The following CTNNA2 variants were observed in gnomAD, a reference collection of about 807,000 sequenced individuals.
CTNNA2 encodes catenin alpha 2, also known as catenin alpha-2.
CTNNA2 carries 42 observed loss-of-function variants against 101.0 expected under a neutral mutation model. The ratio of observed to expected loss-of-function variants is 0.42; its 90% CI spans 0.32 to 0.54. The LOEUF (loss-of-function observed/expected upper bound fraction) is 0.54, where lower values mean the gene tolerates loss of function less well. CTNNA2 is among the 20% of genes least tolerant of loss of function. The pLI, the probability that CTNNA2 is intolerant of heterozygous loss-of-function variation, is 0.14. For synonymous variants in CTNNA2, 450 were observed against 456.4 expected, an observed-to-expected ratio of 0.99 and a Z score of 0.18; for missense variants, 871 against 1,223.1, an observed-to-expected ratio of 0.71 and a Z score of 4.29.
rs190827370 is a variant in CTNNA2, at chr2:79,227,951, A to G, written c.-406+29875A>G. ...TAGTATCTATTGTTCCTATCGTTAC[A>G]ATCACGTACATTCAATGTTTAACTC... On this transcript the variant is annotated intron_variant, in intron 2 of 21. Coordinates refer to the CTNNA2 transcript ENST00000466387. Among the ~76,000 whole-genome samples the G allele has an allele frequency of 5.1e-3, 781 of 152,238 alleles. 24 individuals are homozygous for G. The highest frequency in any genetic ancestry group is 0.043 in the Admixed American group (661 of 15,288).
chr2:79,736,912 C>T (rs556509817), intron 2 of CTNNA2, among the ~76,000 whole-genome samples: 3 of 152,290 alleles, frequency 2.0e-5, no homozygotes, highest in Admixed American at 2.0e-4. Context: ...TATATGTATA[C>T]TCTCACTTTC....
intron 3 of CTNNA2, among the ~76,000 whole-genome samples, chr2:79,816,026 G>A (rs538565463): frequency 6.6e-6 from 1 of 152,056 alleles, no homozygotes; most frequent in East Asian, 1.9e-4. Flanking sequence ...TTGTAAAAGG[G>A]GTTTAGTTCC....
intron 7 of CTNNA2, among the ~76,000 whole-genome samples, chr2:79,983,301 T>C (rs577980022): frequency 6.6e-6 from 1 of 151,848 alleles, no homozygotes; most frequent in East Asian, 1.9e-4. Context: ...ACTTGTGGGA[T>C]GAAGAAGACA....
upstream of CTNNA2, among the ~76,000 whole-genome samples, chr2:79,510,863 C>T (rs998954394): frequency 6.6e-6 from 1 of 152,184 alleles, no homozygotes; most frequent in Non-Finnish European, 1.5e-5. Context: ...ACAAACAAGA[C>T]AAATCTCATT....
Position 79,215,569 on chromosome 2 carries a change from C to T in CTNNA2, c.-406+17493C>T, listed in dbSNP as rs181502340. Reference sequence around the variant, plus strand: ...AAAACGTATTTTGAGAATAAGACGACCTTTTGACCTTTTAGGGTCTAGGGC... The same window carrying T: ...AAAACGTATTTTGAGAATAAGACGATCTTTTGACCTTTTAGGGTCTAGGGC... On this transcript the variant is annotated intron_variant, in intron 2 of 21. Transcript: ENST00000466387. Among the ~76,000 whole-genome samples the T allele has an allele frequency of 3.8e-3, 577 of 152,138 alleles. 2 individuals are homozygous for T. The highest frequency in any genetic ancestry group is 0.014 in the Middle Eastern group (4 of 294).
chr2:79,345,589 A>G (rs1209124825), intron 3 of CTNNA2, among the ~76,000 whole-genome samples: 3 of 152,226 alleles, frequency 2.0e-5, no homozygotes, highest in Non-Finnish European at 2.9e-5. Context: ...ACGGTAAAGC[A>G]TAAATATCTG....
intron 7 of CTNNA2, among the ~76,000 whole-genome samples, chr2:79,930,562 GC>G (rs751525196): frequency 2.6e-5 from 4 of 152,152 alleles, no homozygotes; most frequent in Non-Finnish European, 4.4e-5. Context: ...TTGGATTTCT[GC>G]AATGTACTTT....
chr2:80,162,680 C>T, intron 7 of CTNNA2: 1 of 1,612,780 alleles, frequency 6.2e-7, no homozygotes, highest in Non-Finnish European at 8.5e-7. Context: ...TACCTTGGCG[C>T]CACTGGGAGC....
At chr2:79,642,240 G>C (rs1434412915) in intron 1 of CTNNA2, among the ~76,000 whole-genome samples, 1 of 152,090 alleles carries the variant, frequency 6.6e-6, no homozygotes, top group Non-Finnish European at 1.5e-5. Flanking sequence ...TAAAAGGTGT[G>C]GCTTTACCAA....
At chr2:79,397,565 C>T (rs764707752) in intron 4 of CTNNA2, among the ~76,000 whole-genome samples, 4 of 152,092 alleles carry the variant, frequency 2.6e-5, no homozygotes, top group Non-Finnish European at 4.4e-5. Flanking sequence ...ATTCTTTATA[C>T]GTTTTTATTT....
At chr2:80,313,295 C>G (rs1005981650) in intron 7 of CTNNA2, 28 of 923,594 alleles carry the variant, frequency 3.0e-5, no homozygotes, top group Middle Eastern at 4.2e-4. Flanking sequence ...CTTGAAAATG[C>G]CTTTCTAATT....
intron 17 of CTNNA2, 198 bp downstream of exon 17, chr2:80,608,516 G>C: frequency 2.2e-6 from 1 of 449,588 alleles, no homozygotes; most frequent in Non-Finnish European, 3.8e-6. Context: ...ATTACCCTGT[G>C]TTTATTCTAG....
chr2:79,632,138 A>G (rs1168535216), intron 1 of CTNNA2, among the ~76,000 whole-genome samples: 1 of 152,162 alleles, frequency 6.6e-6, no homozygotes, highest in Non-Finnish European at 1.5e-5. Flanking sequence ...GTTCATTCCA[A>G]TAAAATATTT....
intron 7 of CTNNA2, among the ~76,000 whole-genome samples, chr2:80,260,934 G>T (rs1672560012): frequency 6.6e-6 from 1 of 152,126 alleles, no homozygotes; most frequent in South Asian, 2.1e-4. Context: ...CAGGCCGAGT[G>T]CAAGTGCTGG....
intron 1 of CTNNA2, 89 bp from the exon 2 acceptor site, chr2:79,651,463 A>C: frequency 8.0e-7 from 1 of 1,245,698 alleles, no homozygotes; most frequent in Non-Finnish European, 1.2e-6. Context: ...GTATGTTCTA[A>C]GTTTCAGTGA....
At chr2:79,585,494 T>C (rs1676425042) in intron 1 of CTNNA2, among the ~76,000 whole-genome samples, 1 of 151,998 alleles carries the variant, frequency 6.6e-6, no homozygotes, top group South Asian at 2.1e-4. Context: ...TTGGCTTTTA[T>C]TCTTATAATA....
chr2:80,021,704 A>G (rs2104108239), intron 7 of CTNNA2, among the ~76,000 whole-genome samples: 1 of 150,676 alleles, frequency 6.6e-6, no homozygotes, highest in East Asian at 1.9e-4. Context: ...GCATTGCCTC[A>G]CACACTTATC....
chr2:80,066,587 T>C (rs1697999375), intron 7 of CTNNA2, among the ~76,000 whole-genome samples: 1 of 152,022 alleles, frequency 6.6e-6, no homozygotes, highest in African/African-American at 2.4e-5. Flanking sequence ...AAATGAAAAA[T>C]AAGTGTTGAT....
At chr2:79,816,373 A>G (rs751758574) in intron 3 of CTNNA2, among the ~76,000 whole-genome samples, 1 of 152,058 alleles carries the variant, frequency 6.6e-6, no homozygotes, top group Non-Finnish European at 1.5e-5. Flanking sequence ...CCCATTCAGT[A>G]TTATGTTGGC....
Sources: gnomAD v4.1 joint callset for allele counts (sites outside exome capture counted in the v4.1 genomes callset) on GRCh38, gnomAD v4.1.1 for gene constraint, MANE v1.5 for transcripts, NCBI Gene and HGNC (gene_info 2026-07-23, HGNC 2026-07-21) for gene names.